Variants in DLGAP2 observed in about 807,000 individuals in gnomAD.
DLGAP2 encodes the protein disks large-associated protein 2.
A neutral mutation model predicts 100.3 loss-of-function variants in DLGAP2; 26 were observed. That is an observed-to-expected ratio of 0.26 (90% CI 0.19 to 0.36). DLGAP2 has a LOEUF of 0.36. DLGAP2 is among the 10% of genes least tolerant of loss of function. DLGAP2 has a pLI of 1.00. For synonymous variants in DLGAP2, 886 were observed against 630.1 expected, an observed-to-expected ratio of 1.41 and a Z score of -6.08; for missense variants, 1,858 against 1,453.2, an observed-to-expected ratio of 1.28 and a Z score of -4.53.
Position 814,210 on chromosome 8 carries a change from T to C in DLGAP2, c.18+76385T>C, listed in dbSNP as rs191398705. The stretch of plus-strand genomic sequence containing the variant: ...GAGGCAGTGAAAAGTAGAATAGACA[T>C]TATAACACCTCAGTTTTGGTAACTG... On this transcript the variant is annotated intron_variant, in intron 1 of 14. Transcript: ENST00000637795. 9.2e-5 allele frequency among the ~76,000 whole-genome samples: 14 copies of C among 152,330 alleles called. No homozygotes were observed. In the East Asian group the frequency reaches 2.3e-3, roughly 25 times the overall value.
In DLGAP2 at chr8:1,135,545, C is replaced by T. The variant is rs910443338; in HGVS notation, c.74-123306C>T. Among the ~76,000 whole-genome samples the T allele has an allele frequency of 2.3e-4, 25 of 106,966 alleles. No homozygotes were observed. The Admixed American group carries it at 2.7e-3, about 12-fold the overall frequency. The allele number at this position is 106,966 out of a possible 152,430, so 70.2% of individuals were successfully genotyped here. A position where few individuals can be genotyped will look rare whatever the true frequency, so the allele number is the denominator to read the frequency against. On this transcript the variant is annotated intron_variant, in intron 2 of 14. Coordinates refer to ENST00000637795, the MANE Select transcript of DLGAP2 (RefSeq NM_001346810.2). ...TTTTTTTTGTCCATATCTTAAGAAG[C>T]GCTAGACTCTGAAAAGGGGCATGCG...
At chr8:1,191,272 G>A (rs1487970747) in intron 2 of DLGAP2, among the ~76,000 whole-genome samples, 2 of 151,216 alleles carry the variant, frequency 1.3e-5, no homozygotes, top group Non-Finnish European at 2.9e-5. Flanking sequence ...CCGGGTTCAG[G>A]CCATTCTCCT....
At chr8:825,570 A>C (rs1416581321) in intron 1 of DLGAP2, among the ~76,000 whole-genome samples, 1 of 152,162 alleles carries the variant, frequency 6.6e-6, no homozygotes, top group Non-Finnish European at 1.5e-5. Flanking sequence ...TAACGACATC[A>C]TCCCTCTCAT....
intron 3 of DLGAP2, chr8:1,299,836 C>T (rs1048954958): frequency 3.9e-5 from 6 of 152,262 alleles, no homozygotes; most frequent in Admixed American, 1.3e-4. Flanking sequence ...TGAAAATCAA[C>T]CCAAATGACT....
In DLGAP2 at chr8:760,482, A is replaced by C. The variant is rs185818769; in HGVS notation, c.18+22657A>C. On this transcript the variant is annotated intron_variant, in intron 1 of 14. Transcript: ENST00000637795. ...AAAGTTTCTCATCTTGCCTGTCCAA[A>C]ACTCTACCCTCATATATTTGAAAGT... 8.2e-3 allele frequency among the ~76,000 whole-genome samples: 1,256 copies of C among 152,300 alleles called. 13 individuals carry two copies. Among genetic ancestry groups the C allele is most frequent in the Non-Finnish European group, 0.013 (916 of 68,030 alleles).
rs1460917250 is a variant in DLGAP2 at position 1,249,434 on chromosome 8, T to A, written c.74-9417T>A. Among the ~76,000 whole-genome samples, 3 of 152,206 alleles carry A rather than the reference T, an allele frequency of 2.0e-5. No homozygotes were observed. In the East Asian group the frequency reaches 5.8e-4, roughly 29 times the overall value. On this transcript the variant is annotated intron_variant, in intron 2 of 14. Transcript: ENST00000637795. Reference sequence around the variant, plus strand: ...AACTACTGAGGCCTAAATACAACTTTCTTCTGTTTCTCTGCTCTTATCTAT... The same window carrying A: ...AACTACTGAGGCCTAAATACAACTTACTTCTGTTTCTCTGCTCTTATCTAT...
intron 12 of DLGAP2, among the ~76,000 whole-genome samples, chr8:1,687,426 C>A (rs969943944): frequency 7.2e-5 from 11 of 152,176 alleles, no homozygotes; most frequent in Admixed American, 7.2e-4. Context: ...AAATTAGAGA[C>A]ATATACTGGG....
chr8:1,270,525 G>C (rs533688419), intron 3 of DLGAP2, among the ~76,000 whole-genome samples: 2 of 152,162 alleles, frequency 1.3e-5, no homozygotes, highest in Non-Finnish European at 2.9e-5. Flanking sequence ...TAAGCCCAGC[G>C]GACAGAGTCA....
intron 2 of DLGAP2, among the ~76,000 whole-genome samples, chr8:1,180,828 G>A (rs552099142): frequency 4.9e-4 from 73 of 149,964 alleles, no homozygotes; most frequent in African/African-American, 1.7e-3. Flanking sequence ...TGTGTGTGGT[G>A]CACGTCCTGT....
rs1467250544 is a variant in DLGAP2, at chr8:824,606, GCTTCCC to G, written c.19-83303_19-83298del. On this transcript the variant is annotated intron_variant, in intron 1 of 14. Coordinates refer to ENST00000637795, the MANE Select transcript of DLGAP2 (RefSeq NM_001346810.2). ...CCTGGCCCCAGTCCTGGCTCCGGGA[GCTTCCC>G]CTCTGGTGAAGATGACTGCTGACCT... 2.0e-5 allele frequency among the ~76,000 whole-genome samples: 3 copies of G among 151,930 alleles called. No individual in the cohort carries two copies. The East Asian group carries it at 5.8e-4, about 29-fold the overall frequency.
At chr8:1,444,801 C>T (rs1342190295) in intron 3 of DLGAP2, among the ~76,000 whole-genome samples, 3 of 101,342 alleles carry the variant, frequency 3.0e-5, no homozygotes, top group Admixed American at 1.4e-4. Context: ...TTTTTTGAGA[C>T]GTAGTTTCAC....
chr8:841,589 G>C (rs1796984719), intron 1 of DLGAP2, among the ~76,000 whole-genome samples: 1 of 151,016 alleles, frequency 6.6e-6, no homozygotes, highest in Non-Finnish European at 1.5e-5. Flanking sequence ...TTTTTTTTTT[G>C]AGATGAGGTC....
At chr8:981,514 A>G (rs1481985650) in intron 2 of DLGAP2, among the ~76,000 whole-genome samples, 1 of 152,136 alleles carries the variant, frequency 6.6e-6, no homozygotes, top group Non-Finnish European at 1.5e-5. Flanking sequence ...CTGTTTGCAC[A>G]GCAGCTGCGC....
intron 3 of DLGAP2, among the ~76,000 whole-genome samples, chr8:1,385,847 C>A (rs1443908777): frequency 6.6e-6 from 1 of 152,186 alleles, no homozygotes; most frequent in Non-Finnish European, 1.5e-5. Flanking sequence ...ATGCCTGTCC[C>A]CTGAGAACTT....
chr8:792,329 A>G (rs1795928728), intron 1 of DLGAP2, among the ~76,000 whole-genome samples: 1 of 152,224 alleles, frequency 6.6e-6, no homozygotes, highest in Non-Finnish European at 1.5e-5. Context: ...AAGTGGATAA[A>G]TTATGAGTAA....
chr8:1,486,314 A>G (rs778100372), intron 3 of DLGAP2, among the ~76,000 whole-genome samples: 2 of 152,218 alleles, frequency 1.3e-5, no homozygotes, highest in Non-Finnish European at 2.9e-5. Flanking sequence ...GAGCATTTGC[A>G]AAAGGCAGCC....
At chr8:941,719 C>T (rs1011929818) in intron 2 of DLGAP2, among the ~76,000 whole-genome samples, 29 of 152,170 alleles carry the variant, frequency 1.9e-4, no homozygotes, top group Admixed American at 1.7e-3. Context: ...GTGCGGCTTT[C>T]TTTGATTGGG....
At chr8:1,136,104 G>C (rs1354793584) in intron 2 of DLGAP2, among the ~76,000 whole-genome samples, 1 of 152,096 alleles carries the variant, frequency 6.6e-6, no homozygotes, top group Admixed American at 6.5e-5. Flanking sequence ...GATTCCCCTT[G>C]CCTTCCTCTT....
At chr8:1,637,191 G>A (rs1490574103) in intron 8 of DLGAP2, among the ~76,000 whole-genome samples, 1 of 152,156 alleles carries the variant, frequency 6.6e-6, no homozygotes, top group Non-Finnish European at 1.5e-5. Flanking sequence ...TTCCCAGAGG[G>A]CTGGCAAGGA....
Sources: allele counts gnomAD v4.1 joint callset (sites outside exome capture counted in the v4.1 genomes callset), GRCh38; gene constraint gnomAD v4.1.1; transcripts MANE v1.5; gene names NCBI Gene and HGNC (gene_info 2026-07-23, HGNC 2026-07-21).